The following CEP126 variants were observed in gnomAD, a reference collection of about 807,000 sequenced individuals.
CEP126 encodes the protein centrosomal protein of 126 kDa.
Under a neutral mutation model 107.8 loss-of-function variants are expected in CEP126, and 74 were observed. That is an observed-to-expected ratio of 0.69 (90% CI 0.57 to 0.83). The LOEUF (loss-of-function observed/expected upper bound fraction) is 0.83, where lower values mean the gene tolerates loss of function less well. CEP126 is among the 40% of genes least tolerant of loss of function. The pLI is 0.00. For missense variants in CEP126, 1,237 were observed against 1,281.9 expected (o/e 0.96, Z 0.53); for synonymous variants, 449 against 446.0 (o/e 1.01, Z -0.08).
intron 9 of CEP126, among the ~76,000 whole-genome samples, chr11:101,991,855 T>G (rs1037156084): frequency 1.6e-4 from 25 of 152,200 alleles, no homozygotes; most frequent in African/African-American, 6.0e-4. Flanking sequence ...ACAATTCTAT[T>G]TATATGAAGT....
At chr11:101,980,983 T>G (rs1053943259) in intron 7 of CEP126, among the ~76,000 whole-genome samples, 1 of 152,204 alleles carries the variant, frequency 6.6e-6, no homozygotes, top group Non-Finnish European at 1.5e-5. Flanking sequence ...CAGAAAACAA[T>G]TATTTCTTAA....
At chr11:101,943,503 C>CT (rs397705130) in intron 2 of CEP126, among the ~76,000 whole-genome samples, 10,898 of 141,138 alleles carry the variant, frequency 0.077, 482 homozygotes, top group African/African-American at 0.1. Flanking sequence ...CTTGCCTTTT[C>CT]TTTTTTTTTT....
At chr11:101,928,891 G>A (rs1381062930) in intron 2 of CEP126, among the ~76,000 whole-genome samples, 4 of 152,050 alleles carry the variant, frequency 2.6e-5, no homozygotes, top group Admixed American at 2.0e-4. Context: ...ATGAAATTTA[G>A]AATAATATTA....
intron 3 of CEP126, among the ~76,000 whole-genome samples, chr11:101,947,215 C>T (rs895505943): frequency 2.0e-5 from 3 of 152,128 alleles, no homozygotes; most frequent in South Asian, 2.1e-4. Context: ...GAAGTACCCA[C>T]GAAGAGCTAA....
rs1940708527 is a variant in CEP126 at position 101,944,389 on chromosome 11, C to G, written c.373C>G (p.Leu125Val). 4 of 1,610,662 alleles carry G rather than the reference C, an allele frequency of 2.5e-6. No individual in the cohort carries two copies. Among genetic ancestry groups the G allele is most frequent in the African/African-American group, 2.7e-5 (2 of 74,754 alleles). ...TEKFQRAHVP[L>V]SQRRKAVSRK... ...AAAATTCCAGCGTGCCCATGTTCCT[C>G]TTTCACAGCGGAGGAAAGCAGGTGC... The change falls in exon 3 of 11, where the codon CTT becomes GTT. Residue 125 changes from leucine to valine, a missense_variant. Coordinates refer to ENST00000263468, the MANE Select transcript of CEP126 (RefSeq NM_020802.4).
chr11:101,926,037 A>G (rs1940404128), intron 2 of CEP126, among the ~76,000 whole-genome samples: 1 of 152,062 alleles, frequency 6.6e-6, no homozygotes, highest in Non-Finnish European at 1.5e-5. Context: ...ATAGTCATTT[A>G]TTCACTCAAC....
At chr11:101,967,025 C>CTTTTTTTTTT (rs759877416) in intron 6 of CEP126, among the ~76,000 whole-genome samples, 19 of 107,048 alleles carry the variant, frequency 1.8e-4, no homozygotes, top group Admixed American at 3.0e-4. Context: ...CTCTTTCTTT[C>CTTTTTTTTTT]TTTTTTTTTT....
intron 9 of CEP126, among the ~76,000 whole-genome samples, chr11:101,991,734 A>G (rs977328371): frequency 4.6e-5 from 7 of 152,230 alleles, no homozygotes; most frequent in Non-Finnish European, 1.0e-4. Context: ...CTGGAACAGT[A>G]AGAGAAAAAA....
chr11:101,952,513 T>C (rs1489559232), intron 4 of CEP126, among the ~76,000 whole-genome samples: 1 of 152,148 alleles, frequency 6.6e-6, no homozygotes, highest in Non-Finnish European at 1.5e-5. Flanking sequence ...CTGGAGTGAT[T>C]GGGAAGAATC....
chr11:101,954,142 C>T (rs1329355407), intron 4 of CEP126, among the ~76,000 whole-genome samples: 2 of 152,152 alleles, frequency 1.3e-5, no homozygotes, highest in East Asian at 1.9e-4. Context: ...ATTCTCCTGC[C>T]TCAGCCTCCC....
At position 101,962,236 on chromosome 11, in the gene CEP126, G is replaced by A; in HGVS notation, c.1201G>A (p.Ala401Thr). The A allele has an allele frequency of 6.2e-7, 1 of 1,613,924 alleles. No homozygotes were observed. The highest frequency in any genetic ancestry group is 1.1e-5 in the South Asian group (1 of 91,064). ...GAGGACAACTGACTCCACTTCTGGA[G>A]CATTCAAAAGAGAGAGACCATTAGT... ...TMRTTDSTSG[A>T]FKRERPLVTE... The change falls in exon 6 of 11, where the codon GCA becomes ACA. Residue 401 changes from alanine to threonine, a missense_variant. This residue lies in a region of CEP126 where 1,134 missense variants were observed against 1,150.5 expected (regional missense o/e 0.99). Coordinates refer to ENST00000263468, the MANE Select transcript of CEP126 (RefSeq NM_020802.4).
At chr11:101,948,422 T>C (rs1369795426) in intron 4 of CEP126, among the ~76,000 whole-genome samples, 2 of 152,216 alleles carry the variant, frequency 1.3e-5, no homozygotes, top group Non-Finnish European at 2.9e-5. Flanking sequence ...AATATTGATA[T>C]TGATATTTTG....
intron 6 of CEP126, among the ~76,000 whole-genome samples, chr11:101,977,410 A>G (rs1941203267): frequency 6.6e-6 from 1 of 152,096 alleles, no homozygotes; most frequent in South Asian, 2.1e-4. Context: ...AGGCGGGCAG[A>G]TCACAAGGTC....
Position 101,961,861 on chromosome 11 carries a change from A to G in CEP126, c.826A>G (p.Ile276Val), listed in dbSNP as rs773254227. The change falls in exon 6 of 11, where the codon ATC (isoleucine) becomes GTC (valine). Residue 276 changes from isoleucine to valine, a missense_variant. Ile to Val is a conservative substitution (Grantham distance 29). Around this residue, in one of 3 missense-constraint regions of CEP126, gnomAD observed 1,134 missense variants for 1,150.5 expected, o/e 0.99. Coordinates refer to ENST00000263468, the MANE Select transcript of CEP126 (RefSeq NM_020802.4). ...LTLNKEHSTS[I>V]QRNTISLKPA... Reference sequence around the variant, plus strand: ...ACTTAATAAGGAGCATTCCACATCCATCCAGCGGAATACCATTTCCCTCAA... The same window carrying G: ...ACTTAATAAGGAGCATTCCACATCCGTCCAGCGGAATACCATTTCCCTCAA... 1.2e-6 allele frequency: 2 copies of G among 1,610,572 alleles called. No individual in the cohort carries two copies. Among genetic ancestry groups the G allele is most frequent in the East Asian group, 4.5e-5 (2 of 44,850 alleles).
chr11:101,953,726 A>C (rs954541329), intron 4 of CEP126, among the ~76,000 whole-genome samples: 2 of 152,184 alleles, frequency 1.3e-5, no homozygotes, highest in Non-Finnish European at 2.9e-5. Context: ...GAAGTGATAG[A>C]GGTGGAAGCC....
At chr11:101,980,363 A>T (rs1370721789) in intron 7 of CEP126, among the ~76,000 whole-genome samples, 1 of 152,238 alleles carries the variant, frequency 6.6e-6, no homozygotes, top group East Asian at 1.9e-4. Flanking sequence ...GTAGTTAATA[A>T]CCAAGGAAAC....
intron 6 of CEP126, among the ~76,000 whole-genome samples, chr11:101,972,047 G>A (rs1256272982): frequency 6.6e-6 from 1 of 151,614 alleles, no homozygotes; most frequent in Non-Finnish European, 1.5e-5. Context: ...GGCGGAGGTT[G>A]CAGTGAGCCA....
intron 2 of CEP126, among the ~76,000 whole-genome samples, chr11:101,936,972 G>T (rs1940589876): frequency 6.6e-6 from 1 of 152,124 alleles, no homozygotes; most frequent in Non-Finnish European, 1.5e-5. Flanking sequence ...CTTGGAACTA[G>T]AAGTGTTGTG....
chr11:101,988,024 A>T (rs1186232202), intron 9 of CEP126, among the ~76,000 whole-genome samples: 1 of 152,194 alleles, frequency 6.6e-6, no homozygotes, highest in East Asian at 1.9e-4. Flanking sequence ...AAAAAAAATC[A>T]AAAGAATCCA....
Sources: allele counts gnomAD v4.1 joint callset (sites outside exome capture counted in the v4.1 genomes callset), GRCh38; gene constraint gnomAD v4.1.1; regional missense constraint gnomAD v4.1.1; transcripts MANE v1.5; gene names NCBI Gene and HGNC (gene_info 2026-07-23, HGNC 2026-07-21).